Variants in TTC6 observed in about 807,000 individuals in gnomAD.
TTC6 encodes tetratricopeptide repeat domain 6, also known as tetratricopeptide repeat protein 6.
A neutral mutation model predicts 210.4 loss-of-function variants in TTC6; 172 were observed. The observed-to-expected ratio is 0.82, with a 90% CI of 0.72 to 0.93. The LOEUF (loss-of-function observed/expected upper bound fraction) is 0.93. TTC6 is among the 40% of genes least tolerant of loss of function. TTC6 has a pLI of 0.00. For synonymous variants in TTC6, 804 were observed against 819.6 expected, an observed-to-expected ratio of 0.98 and a Z score of 0.32; for missense variants, 2,414 against 2,318.1, an observed-to-expected ratio of 1.04 and a Z score of -0.85.
intron 29 of TTC6, among the ~76,000 whole-genome samples, chr14:37,838,410 T>C (rs1052618717): frequency 5.9e-5 from 9 of 152,204 alleles, no homozygotes; most frequent in African/African-American, 2.2e-4. Context: ...CTCTAGCAAA[T>C]GGTTCTTGGA....
chr14:37,824,757 A>C (rs2096166567), intron 27 of TTC6, among the ~76,000 whole-genome samples: 2 of 152,138 alleles, frequency 1.3e-5, no homozygotes, highest in African/African-American at 4.8e-5. Flanking sequence ...AGAAATTAAC[A>C]ATGTTGAGAT....
chr14:37,677,862 T>C (rs2138526103), intron 1 of TTC6, among the ~76,000 whole-genome samples: 2 of 152,268 alleles, frequency 1.3e-5, no homozygotes. Context: ...GTATGTTCTA[T>C]CTATAGATGT....
chr14:37,748,458 G>A (rs1202794360), intron 10 of TTC6, among the ~76,000 whole-genome samples: 1 of 152,090 alleles, frequency 6.6e-6, no homozygotes, highest in Non-Finnish European at 1.5e-5. Flanking sequence ...AAGCATATTA[G>A]GTATTATTTA....
intron 5 of TTC6, 128 bp downstream of exon 7, chr14:37,701,654 GT>G (rs1219277774): frequency 2.6e-6 from 2 of 781,496 alleles, no homozygotes; most frequent in Non-Finnish European, 3.8e-6. Context: ...AGCAGTTTTT[GT>G]TTTTTTCTGC....
At chr14:37,609,761 C>T (rs768840510) in intron 2 of TTC6, among the ~76,000 whole-genome samples, 1 of 152,080 alleles carries the variant, frequency 6.6e-6, no homozygotes, top group Non-Finnish European at 1.5e-5. Context: ...GTGCAGCATT[C>T]GGGATGGTAC....
intron 1 of TTC6, among the ~76,000 whole-genome samples, chr14:37,596,755 G>A (rs927045988): frequency 8.1e-6 from 1 of 123,798 alleles, no homozygotes; most frequent in Admixed American, 8.7e-5. Flanking sequence ...TTAAGAATCC[G>A]CAAAATCTTC....
At chr14:37,608,605 C>CA (rs2095629246) in intron 2 of TTC6, among the ~76,000 whole-genome samples, 1 of 152,118 alleles carries the variant, frequency 6.6e-6, no homozygotes, top group African/African-American at 2.4e-5. Flanking sequence ...CCAGTGCTTG[C>CA]AAGCCTTATC....
rs746071234 is a variant in TTC6, at chr14:37,648,028, G to A, written c.939+25025G>A. ...ATATTACAAACACACACACACACAC[G>A]TTCACACCCCTCCCCATCTTATAAA... On this transcript the variant is annotated intron_variant, in intron 1 of 30. Coordinates refer to ENST00000553443, the Ensembl canonical transcript of TTC6. 2.6e-5 allele frequency among the ~76,000 whole-genome samples: 4 copies of A among 151,854 alleles called. No individual in the cohort carries two copies. The South Asian group carries it at 6.2e-4, about 24-fold the overall frequency.
At chr14:37,729,194 G>T (rs2138866255) in intron 7 of TTC6, among the ~76,000 whole-genome samples, 1 of 152,052 alleles carries the variant, frequency 6.6e-6, no homozygotes, top group South Asian at 2.1e-4. Flanking sequence ...TTTTAATAAT[G>T]CAGTCTAACC....
At chr14:37,782,373 T>G (rs113508822) in intron 14 of TTC6, among the ~76,000 whole-genome samples, 45,528 of 151,976 alleles carry the variant, frequency 0.3, 7,292 homozygotes, top group South Asian at 0.44. Context: ...CTAGGTATTT[T>G]ATTCTCTTTG....
At chr14:37,662,378 T>C (rs997185866) in intron 1 of TTC6, among the ~76,000 whole-genome samples, 7 of 152,338 alleles carry the variant, frequency 4.6e-5, no homozygotes, top group South Asian at 2.1e-4. Flanking sequence ...TTGACTTTTA[T>C]TTAAGGCCTT....
chr14:37,701,279 A>T, intron 4 of TTC6, 53 bp from the exon 7 acceptor site: 1 of 1,257,558 alleles, frequency 8.0e-7, no homozygotes, highest in Non-Finnish European at 1.0e-6. Context: ...TGTACTTTAT[A>T]TCTAAAGTCC....
chr14:37,664,636 C>T (rs1197547782), intron 1 of TTC6, among the ~76,000 whole-genome samples: 1 of 150,568 alleles, frequency 6.6e-6, no homozygotes, highest in Non-Finnish European at 1.5e-5. Context: ...GCAACAAAAG[C>T]AAACATTGAC....
chr14:37,705,575 C>A (rs150655039), intron 5 of TTC6, among the ~76,000 whole-genome samples: 5 of 152,228 alleles, frequency 3.3e-5, no homozygotes, highest in African/African-American at 1.2e-4. Context: ...AAACATCTTT[C>A]CATGTCAATA....
At chr14:37,661,270 G>A (rs1366409019) in intron 1 of TTC6, among the ~76,000 whole-genome samples, 1 of 152,112 alleles carries the variant, frequency 6.6e-6, no homozygotes, top group Non-Finnish European at 1.5e-5. Flanking sequence ...CCATGCCTAT[G>A]TCCTGAATGG....
At chr14:37,744,557 G>T (rs2095930305) in intron 10 of TTC6, among the ~76,000 whole-genome samples, 1 of 152,192 alleles carries the variant, frequency 6.6e-6, no homozygotes, top group Non-Finnish European at 1.5e-5. Flanking sequence ...AGTGTGGCTG[G>T]AACAGAGTGA....
intron 1 of TTC6, among the ~76,000 whole-genome samples, chr14:37,604,663 G>C (rs566310316): frequency 1.3e-5 from 2 of 152,162 alleles, no homozygotes; most frequent in East Asian, 1.9e-4. Flanking sequence ...GATCTAGGAG[G>C]CACCCGGGAA....
intron 1 of TTC6, among the ~76,000 whole-genome samples, chr14:37,627,343 G>A (rs2095662076): frequency 6.6e-6 from 1 of 150,862 alleles, no homozygotes; most frequent in Non-Finnish European, 1.5e-5. Flanking sequence ...TTTAAGTTCT[G>A]GGATACATGT....
chr14:37,752,509 T>C lies in TTC6; in HGVS notation c.3130-590T>C, dbSNP rs2095955246. ...AGTACATTGAGGTCAAATTTTGAAA[T>C]CTTTAGGATTTTTTTTTTTATTTTA... On this transcript the variant is annotated intron_variant, in intron 13 of 30. Transcript: ENST00000553443. Among the ~76,000 whole-genome samples the C allele has an allele frequency of 4.7e-5, 4 of 84,748 alleles. No individual in the cohort carries two copies. The South Asian group carries it at 2.5e-3, about 54-fold the overall frequency. 55.6% of individuals were successfully genotyped at this position (84,748 alleles called of 152,430 possible). A position where few individuals can be genotyped will look rare whatever the true frequency, so the allele number is the denominator to read the frequency against.
Sources: allele counts gnomAD v4.1 joint callset (sites outside exome capture counted in the v4.1 genomes callset), GRCh38; gene constraint gnomAD v4.1.1; transcripts MANE v1.5; gene names NCBI Gene and HGNC (gene_info 2026-07-23, HGNC 2026-07-21).